FAM227B: variants seen among roughly 807,000 people sequenced by gnomAD.
FAM227B encodes family with sequence similarity 227 member B.
A neutral mutation model predicts 73.8 loss-of-function variants in FAM227B; 88 were observed. The ratio of observed to expected loss-of-function variants is 1.19; its 90% CI spans 1.00 to 1.42. FAM227B has a LOEUF of 1.42. Ranked by LOEUF, FAM227B falls within the 40% of genes most tolerant of loss-of-function variation. FAM227B has a pLI of 0.00. For missense variants in FAM227B, 632 were observed against 590.9 expected (o/e 1.07, Z -0.72); for synonymous variants, 210 against 190.5 (o/e 1.10, Z -0.84).
intron 11 of FAM227B, among the ~76,000 whole-genome samples, chr15:49,465,162 C>G (rs2054150309): frequency 6.6e-6 from 1 of 152,052 alleles, no homozygotes; most frequent in Non-Finnish European, 1.5e-5. Flanking sequence ...TGGAGTCTCG[C>G]ACTGTTGCTC....
intron 11 of FAM227B, among the ~76,000 whole-genome samples, chr15:49,413,844 CTT>C (rs1295707125): frequency 6.6e-6 from 1 of 151,222 alleles, no homozygotes; most frequent in Admixed American, 6.6e-5. Context: ...AACTTTTGCT[CTT>C]GTTACCTTTA....
chr15:49,411,737 A>G (rs2048884580), intron 11 of FAM227B, among the ~76,000 whole-genome samples: 1 of 152,124 alleles, frequency 6.6e-6, no homozygotes, highest in Admixed American at 6.6e-5. Context: ...ATAATTTGAA[A>G]TATGGCGGAA....
At chr15:49,543,807 G>T (rs1484969213) in intron 9 of FAM227B, among the ~76,000 whole-genome samples, 4 of 152,116 alleles carry the variant, frequency 2.6e-5, no homozygotes, top group Non-Finnish European at 5.9e-5. Flanking sequence ...TCAGTTGGCT[G>T]TAAGTATTTG....
Position 49,575,010 on chromosome 15 carries a change from C to A in FAM227B, c.645+1G>T, listed in dbSNP as rs1263123023. The A allele has an allele frequency of 3.9e-6, 6 of 1,551,540 alleles. No homozygotes were observed. Among genetic ancestry groups the A allele is most frequent in the Non-Finnish European group, 5.3e-6 (6 of 1,138,336 alleles). ...AAATAAATTTTTAAAAATCACTATA[C>A]CCTAAATTTATGGAGAAACCACCAC... is the stretch of plus-strand genomic sequence containing the variant. On this transcript the variant is annotated splice_donor_variant, in intron 8 of 15. Transcript: ENST00000299338. LOFTEE classifies it high-confidence loss of function.
intron 11 of FAM227B, chr15:49,487,743 A>T (rs1423206504): frequency 1.3e-5 from 2 of 151,934 alleles, no homozygotes; most frequent in Non-Finnish European, 2.9e-5. Context: ...CAGACGGAAC[A>T]TTTCTTTTCT....
At chr15:49,500,305 G>C (rs764745944) in intron 11 of FAM227B, among the ~76,000 whole-genome samples, 3 of 152,224 alleles carry the variant, frequency 2.0e-5, no homozygotes, top group Non-Finnish European at 2.9e-5. Context: ...CAAGATATTT[G>C]AACAGACACT....
chr15:49,387,596 T>C (rs934117258), intron 11 of FAM227B, among the ~76,000 whole-genome samples: 1 of 151,738 alleles, frequency 6.6e-6, no homozygotes, highest in African/African-American at 2.4e-5. Context: ...CTTTCACCAC[T>C]CCTGTTCAAC....
chr15:49,546,842 A>C (rs1350068876), intron 9 of FAM227B, among the ~76,000 whole-genome samples: 1 of 152,220 alleles, frequency 6.6e-6, no homozygotes, highest in Non-Finnish European at 1.5e-5. Flanking sequence ...AATAGAACCA[A>C]GTTAGAAAAC....
At chr15:49,483,144 CT>C (rs756655317) in intron 11 of FAM227B, 81 of 1,482,288 alleles carry the variant, frequency 5.5e-5, no homozygotes, top group Non-Finnish European at 7.2e-5. Flanking sequence ...TCTGTGATTC[CT>C]TGCAGATATC....
At chr15:49,525,665 A>AATATATATATATAT (rs57123974) in intron 10 of FAM227B, among the ~76,000 whole-genome samples, 1 of 81,492 alleles carries the variant, frequency 1.2e-5, no homozygotes, top group Non-Finnish European at 2.1e-5. Context: ...AGGGTGGAGA[A>AATATATATATATAT]ATATATATAT....
intron 10 of FAM227B, among the ~76,000 whole-genome samples, chr15:49,511,004 G>C (rs2058956816): frequency 6.6e-6 from 1 of 151,264 alleles, no homozygotes; most frequent in South Asian, 2.1e-4. Context: ...GGGTTCTGAG[G>C]ACTCACAATT....
intron 10 of FAM227B, among the ~76,000 whole-genome samples, chr15:49,533,803 G>A (rs1256551409): frequency 6.6e-6 from 1 of 151,776 alleles, no homozygotes; most frequent in Non-Finnish European, 1.5e-5. Flanking sequence ...ATAGTTGGGT[G>A]TTGTTTTTTA....
At chr15:49,500,162 G>C (rs2058022148) in intron 11 of FAM227B, among the ~76,000 whole-genome samples, 1 of 152,158 alleles carries the variant, frequency 6.6e-6, no homozygotes, top group Admixed American at 6.5e-5. Flanking sequence ...TTATGATCAT[G>C]GCACTGTATT....
chr15:49,480,894 A>AT (rs2055885468), intron 11 of FAM227B, among the ~76,000 whole-genome samples: 1 of 152,184 alleles, frequency 6.6e-6, no homozygotes, highest in Non-Finnish European at 1.5e-5. Flanking sequence ...CTGGACCAAA[A>AT]AGGGAAGATG....
At chr15:49,504,588 A>G (rs1390761044) in intron 11 of FAM227B, among the ~76,000 whole-genome samples, 1 of 151,992 alleles carries the variant, frequency 6.6e-6, no homozygotes, top group African/African-American at 2.4e-5. Flanking sequence ...AAGGTCATTC[A>G]TGTGCATGTT....
chr15:49,355,895 G>T (rs1375992259), intron 13 of FAM227B, among the ~76,000 whole-genome samples: 1 of 151,974 alleles, frequency 6.6e-6, no homozygotes, highest in Admixed American at 6.6e-5. Context: ...GGATCTCTCG[G>T]CAGAAACCCT....
chr15:49,571,541 G>C (rs1231063417), intron 8 of FAM227B, among the ~76,000 whole-genome samples: 1 of 151,728 alleles, frequency 6.6e-6, no homozygotes, highest in Non-Finnish European at 1.5e-5. Flanking sequence ...GTGAAATAAG[G>C]GTTCAATTTC....
At chr15:49,526,843 C>T (rs997716869) in intron 10 of FAM227B, among the ~76,000 whole-genome samples, 1 of 151,652 alleles carries the variant, frequency 6.6e-6, no homozygotes, top group Non-Finnish European at 1.5e-5. Flanking sequence ...ATGATTGAAC[C>T]AGGAAGAAAT....
intron 9 of FAM227B, among the ~76,000 whole-genome samples, chr15:49,548,475 GTTTTC>G (rs979146503): frequency 6.6e-6 from 1 of 152,084 alleles, no homozygotes; most frequent in Admixed American, 6.6e-5. Context: ...CTGGTCTGTA[GTTTTC>G]TTTTCTTTTC....
Sources: allele counts gnomAD v4.1 joint callset (sites outside exome capture counted in the v4.1 genomes callset), GRCh38; gene constraint gnomAD v4.1.1; transcripts MANE v1.5; gene names NCBI Gene and HGNC (gene_info 2026-07-23, HGNC 2026-07-21).